The following STIM1 variants were observed in gnomAD, a reference collection of about 807,000 sequenced individuals.
The protein encoded by STIM1 is stromal interaction molecule 1.
In STIM1, 25 loss-of-function variants were observed where a neutral mutation model predicts 74.7. That is an observed-to-expected ratio of 0.33 (90% CI 0.24 to 0.47). STIM1 has a LOEUF of 0.47. STIM1 is among the 20% of genes least tolerant of loss of function. The probability of loss-of-function intolerance (pLI) is 1.00; values close to 1 mark genes in which losing one functional copy is unlikely to be tolerated. For synonymous variants in STIM1, 328 were observed against 348.8 expected (o/e 0.94, Z 0.66); for missense variants, 728 against 920.8 (o/e 0.79, Z 2.71).
At chr11:4,084,529 G>A (rs1174115955) in intron 10 of STIM1, 144 bp from the exon 11 acceptor site, 1 of 477,590 alleles carries the variant, frequency 2.1e-6, no homozygotes, top group Non-Finnish European at 3.6e-6. Flanking sequence ...GAAGGCTTCT[G>A]TGTTCTCCAG....
chr11:3,895,743 T>TCTTCCTTCCTTCCTTC (rs1162065358), intron 1 of STIM1, among the ~76,000 whole-genome samples: 1 of 34,514 alleles, frequency 2.9e-5, no homozygotes, highest in Admixed American at 3.4e-4. Context: ...TCTTTTTCTT[T>TCTTCCTTCCTTCCTTC]CTTCCTTCCT....
At chr11:4,066,875 T>C (rs1476331174) in intron 5 of STIM1, among the ~76,000 whole-genome samples, 1 of 152,116 alleles carries the variant, frequency 6.6e-6, no homozygotes, top group Non-Finnish European at 1.5e-5. Flanking sequence ...AGAAGCAGAT[T>C]ATTAGTAAGG....
intron 1 of STIM1, among the ~76,000 whole-genome samples, chr11:3,883,500 T>C (rs1401216898): frequency 1.3e-5 from 2 of 152,170 alleles, no homozygotes; most frequent in Non-Finnish European, 2.9e-5. Flanking sequence ...ATTACAGGCA[T>C]GCGCCACCAC....
Position 4,070,235 on chromosome 11 carries a change from C to A in STIM1, c.791+32C>A, listed in dbSNP as rs774411769. The A allele has an allele frequency of 3.7e-6, 6 of 1,612,506 alleles. No individual in the cohort carries two copies. In the Admixed American group the frequency reaches 6.7e-5, roughly 18 times the overall value. On this transcript the variant is annotated intron_variant, in intron 6 of 12. Transcript: ENST00000526596. ...CCTGCCCCTTCAGGAAAGGTGAGGC[C>A]CTGCCAGTTCTTGGGAACCTCCTAT...
At chr11:4,036,808 A>G (rs928614426) in intron 3 of STIM1, among the ~76,000 whole-genome samples, 3 of 152,120 alleles carry the variant, frequency 2.0e-5, no homozygotes, top group African/African-American at 7.2e-5. Flanking sequence ...TGTACCATTC[A>G]GGACATAGGC....
chr11:4,031,034 A>C (rs2094045518), intron 3 of STIM1, among the ~76,000 whole-genome samples: 1 of 152,168 alleles, frequency 6.6e-6, no homozygotes, highest in African/African-American at 2.4e-5. Flanking sequence ...CACCCCTGAA[A>C]GTTTTCTCAT....
At position 4,023,999 on chromosome 11, in the gene STIM1, C is replaced by T. The variant is rs114583092; in HGVS notation, c.385+12C>T. 16,086 of 1,605,146 alleles carry T rather than the reference C, an allele frequency of 0.01. 814 individuals carry two copies. In the African/African-American group the frequency reaches 0.14, roughly 14 times the overall value. On this transcript the variant is annotated intron_variant, in intron 3 of 12. Coordinates refer to ENST00000526596, the MANE Select transcript of STIM1 (RefSeq NM_001382567.1). ...GAAGTCATCAGAAGGTAATAGGCAG[C>T]CTGGTCATCAATCCTAGTTGTGGGA...
intron 3 of STIM1, among the ~76,000 whole-genome samples, chr11:4,046,370 A>T (rs1325521583): frequency 6.6e-6 from 1 of 152,110 alleles, no homozygotes; most frequent in East Asian, 1.9e-4. Flanking sequence ...TTAAGCTTCT[A>T]GTATCTTGTC....
rs1387861883 is a variant in STIM1 at position 3,856,222 on chromosome 11, G to A, written c.-49G>A. Reference sequence around the variant, plus strand: ...TCCCGGGCTCCTGGCTTTGCCTCTGGGATCCCGAGGTGTCCACATCAGACG... The same window carrying A: ...TCCCGGGCTCCTGGCTTTGCCTCTGAGATCCCGAGGTGTCCACATCAGACG... On this transcript the variant is annotated 5_prime_UTR_variant, in exon 1 of 13. Coordinates refer to ENST00000526596, the MANE Select transcript of STIM1 (RefSeq NM_001382567.1). The A allele has an allele frequency of 1.2e-6, 2 of 1,612,384 alleles. No homozygotes were observed. The highest frequency in any genetic ancestry group is 2.7e-5 in the African/African-American group (2 of 74,924).
intron 1 of STIM1, among the ~76,000 whole-genome samples, chr11:3,893,882 T>C (rs1401527055): frequency 1.3e-5 from 2 of 152,174 alleles, no homozygotes; most frequent in African/African-American, 4.8e-5. Context: ...GTCTACATCA[T>C]GTTGATTGAT....
intron 1 of STIM1, among the ~76,000 whole-genome samples, chr11:3,879,820 T>C (rs1307022778): frequency 6.6e-6 from 1 of 152,162 alleles, no homozygotes; most frequent in Non-Finnish European, 1.5e-5. Flanking sequence ...ATCTACCTTG[T>C]GGGTTTTTAG....
At chr11:4,006,880 G>A (rs1318418561) in intron 2 of STIM1, among the ~76,000 whole-genome samples, 1 of 152,118 alleles carries the variant, frequency 6.6e-6, no homozygotes, top group African/African-American at 2.4e-5. Context: ...GAAAGGGGAG[G>A]GAAGTGTTAT....
At chr11:3,896,610 C>T (rs533897330) in intron 1 of STIM1, among the ~76,000 whole-genome samples, 2 of 152,314 alleles carry the variant, frequency 1.3e-5, no homozygotes, top group East Asian at 3.9e-4. Flanking sequence ...TTTGGTGATA[C>T]TGCTATGGCA....
At chr11:3,935,664 C>G (rs1000910160) in intron 1 of STIM1, among the ~76,000 whole-genome samples, 4 of 152,162 alleles carry the variant, frequency 2.6e-5, no homozygotes, top group Non-Finnish European at 5.9e-5. Context: ...TTCGATTTTC[C>G]CAGTGTTAAA....
At chr11:4,032,218 C>T (rs138323125) in intron 3 of STIM1, among the ~76,000 whole-genome samples, 1 of 152,198 alleles carries the variant, frequency 6.6e-6, no homozygotes, top group African/African-American at 2.4e-5. Flanking sequence ...ACTGTAGTCC[C>T]AGCTATTCAG....
chr11:4,060,137 G>A (rs1266968644), intron 5 of STIM1, among the ~76,000 whole-genome samples: 1 of 152,194 alleles, frequency 6.6e-6, no homozygotes, highest in Admixed American at 6.5e-5. Flanking sequence ...GTCTAGTTGA[G>A]AGAATTAGGT....
At chr11:4,072,593 T>C (rs1198733896) in intron 6 of STIM1, among the ~76,000 whole-genome samples, 2 of 152,210 alleles carry the variant, frequency 1.3e-5, no homozygotes, top group Non-Finnish European at 2.9e-5. Context: ...CAATGATTAT[T>C]GTTCTCCATC....
At chr11:3,970,196 T>C (rs2093378865) in intron 2 of STIM1, among the ~76,000 whole-genome samples, 1 of 151,522 alleles carries the variant, frequency 6.6e-6, no homozygotes, top group African/African-American at 2.4e-5. Flanking sequence ...TGTTCCGAAA[T>C]AACACAAAAA....
At chr11:3,947,636 C>T (rs1442271877) in intron 1 of STIM1, 3 of 152,174 alleles carry the variant, frequency 2.0e-5, no homozygotes, top group East Asian at 1.9e-4. Flanking sequence ...AACAGCTCTC[C>T]CAGGCTCAGT....
Sources: gnomAD v4.1 joint callset for allele counts (sites outside exome capture counted in the v4.1 genomes callset) on GRCh38, gnomAD v4.1.1 for gene constraint, MANE v1.5 for transcripts, NCBI Gene and HGNC (gene_info 2026-07-23, HGNC 2026-07-21) for gene names.